The following MYO10 variants were observed in gnomAD, a reference collection of about 807,000 sequenced individuals.
MYO10 encodes myosin X.
A neutral mutation model predicts 257.3 loss-of-function variants in MYO10; 133 were observed. The ratio of observed to expected loss-of-function variants is 0.52; its 90% CI spans 0.45 to 0.60. The LOEUF (loss-of-function observed/expected upper bound fraction) is 0.60, where lower values mean the gene tolerates loss of function less well. MYO10 is among the 20% of genes least tolerant of loss of function. The probability of loss-of-function intolerance (pLI) is 0.00; values close to 1 mark genes in which losing one functional copy is unlikely to be tolerated. For missense variants in MYO10, 2,399 were observed against 2,635.7 expected (o/e 0.91, Z 1.97); for synonymous variants, 1,104 against 1,028.6 (o/e 1.07, Z -1.40).
intron 4 of MYO10, among the ~76,000 whole-genome samples, chr5:16,786,568 TGAC>T (rs1741587603): frequency 1.3e-5 from 2 of 152,192 alleles, no homozygotes; most frequent in Non-Finnish European, 2.9e-5. Context: ...AGTGCCAACA[TGAC>T]ATTCAATAGA....
chr5:16,742,846 C>T (rs943964745), intron 19 of MYO10, among the ~76,000 whole-genome samples: 3 of 151,628 alleles, frequency 2.0e-5, no homozygotes, highest in African/African-American at 4.9e-5. Context: ...AAAGGCCAGG[C>T]GTGATGGCTC....
At chr5:16,746,927 T>C (rs1244435591) in intron 19 of MYO10, among the ~76,000 whole-genome samples, 1 of 152,232 alleles carries the variant, frequency 6.6e-6, no homozygotes, top group Non-Finnish European at 1.5e-5. Context: ...TGTTAAAATC[T>C]AATGTTTAAT....
At chr5:16,746,224 C>T (rs1364011876) in intron 19 of MYO10, among the ~76,000 whole-genome samples, 1 of 152,196 alleles carries the variant, frequency 6.6e-6, no homozygotes, top group African/African-American at 2.4e-5. Context: ...GCGAGTGTCA[C>T]AGTGAGGACA....
chr5:16,877,629 AGAC>A lies in MYO10; in HGVS notation c.97_99del (p.Val33del). Reference sequence around the variant, plus strand: ...CTCACCTGACCATAGTCTGTCCGGAAGACGACGATGCCTTCTGCACAGGAATTT... The same window carrying A: ...CTCACCTGACCATAGTCTGTCCGGAAGACGATGCCTTCTGCACAGGAATTT... On this transcript the variant is annotated inframe_deletion, in exon 2 of 41. Coordinates refer to ENST00000513610, the MANE Select transcript of MYO10 (RefSeq NM_012334.3). 6.2e-7 allele frequency: 1 copy of A among 1,613,672 alleles called. No homozygotes were observed. Among genetic ancestry groups the A allele is most frequent in the Non-Finnish European group, 8.5e-7 (1 of 1,179,646 alleles).
At chr5:16,732,731 G>C (rs1281162096) in intron 19 of MYO10, among the ~76,000 whole-genome samples, 1 of 152,206 alleles carries the variant, frequency 6.6e-6, no homozygotes, top group African/African-American at 2.4e-5. Context: ...AGGGAAATAA[G>C]AGGAAAATGC....
At chr5:16,891,320 A>AAAGGAGG (rs1745044331) in intron 1 of MYO10, among the ~76,000 whole-genome samples, 1 of 88,018 alleles carries the variant, frequency 1.1e-5, no homozygotes, top group Non-Finnish European at 2.5e-5. Context: ...GGAGAAGAGA[A>AAAGGAGG]AAGGAAGGAA....
Position 16,780,602 on chromosome 5 carries a change from C to T in MYO10, c.748G>A (p.Val250Ile), listed in dbSNP as rs1460393542. 1 of 1,575,726 alleles carries T rather than the reference C, an allele frequency of 6.3e-7. No individual in the cohort carries two copies. The highest frequency in any genetic ancestry group is 2.3e-5 in the East Asian group (1 of 43,876). Residue 250 changes from valine to isoleucine, a missense_variant, in exon 8 of 41, where the codon GTA becomes ATA. Transcript: ENST00000513610. ...IVDYLLEKNR[V>I]VRQNPGERNY... ...CTTTCCCCGGGATTTTGCCTTACTA[C>T]TCGGTTCTGGGAAGATAAATCAGAT... is the stretch of plus-strand genomic sequence containing the variant.
intron 19 of MYO10, among the ~76,000 whole-genome samples, chr5:16,743,530 C>A (rs1406386519): frequency 1.3e-5 from 2 of 151,982 alleles, no homozygotes; most frequent in African/African-American, 4.8e-5. Context: ...GTAGTCCCAG[C>A]TACTCGGGAG....
chr5:16,760,353 C>T (rs1478540842), intron 17 of MYO10, among the ~76,000 whole-genome samples: 8 of 148,654 alleles, frequency 5.4e-5, no homozygotes, highest in African/African-American at 9.9e-5. Context: ...CCCAGCTACT[C>T]GGGAGGCTGA....
Position 16,672,432 on chromosome 5 carries a change from G to C in MYO10, c.5309+257C>G, listed in dbSNP as rs1314280902. On this transcript the variant is annotated intron_variant, in intron 37 of 40. Transcript: ENST00000513610. ...AACCTAAAAAATCAAGAAATACCCA[G>C]ACGGGTCCAACATGGAACTGAGAAA... 2.6e-5 allele frequency among the ~76,000 whole-genome samples: 4 copies of C among 152,004 alleles called. No homozygotes were observed. The East Asian group carries it at 7.7e-4, about 29-fold the overall frequency.
chr5:16,667,345 T>C (rs1461580380), intron 40 of MYO10, among the ~76,000 whole-genome samples: 1 of 152,172 alleles, frequency 6.6e-6, no homozygotes, highest in Admixed American at 6.6e-5. Flanking sequence ...CCTCCCATGA[T>C]GTCCCCGTCA....
In MYO10 at chr5:16,807,773, T is replaced by C. The variant is rs1057111475; in HGVS notation, c.279+10236A>G. On this transcript the variant is annotated intron_variant, in intron 3 of 40. Coordinates refer to ENST00000513610, the MANE Select transcript of MYO10 (RefSeq NM_012334.3). ...ATATGCTCAAAACTCAGGCCAACTA[T>C]TAATAGCACCTCAGTGAGGAATCAT... is the stretch of plus-strand genomic sequence containing the variant. Among the ~76,000 whole-genome samples, 22 of 152,304 alleles carry C rather than the reference T, an allele frequency of 1.4e-4. No homozygotes were observed. The South Asian group carries it at 4.3e-3, about 30-fold the overall frequency.
intron 2 of MYO10, among the ~76,000 whole-genome samples, chr5:16,839,405 T>G (rs1327111860): frequency 6.6e-6 from 1 of 152,104 alleles, no homozygotes; most frequent in Non-Finnish European, 1.5e-5. Context: ...GAATTAGAAG[T>G]GGAGCCTGAA....
intron 3 of MYO10, among the ~76,000 whole-genome samples, chr5:16,816,113 C>T (rs377212192): frequency 6.6e-6 from 1 of 150,728 alleles, no homozygotes; most frequent in East Asian, 2.0e-4. Flanking sequence ...GAGGCCGAGG[C>T]GGGCGGATCA....
intron 4 of MYO10, among the ~76,000 whole-genome samples, chr5:16,792,789 T>C (rs2126679417): frequency 6.6e-6 from 1 of 152,232 alleles, no homozygotes; most frequent in African/African-American, 2.4e-5. Flanking sequence ...TAGGCTGACA[T>C]ATGGCTCTCC....
At chr5:16,859,179 C>T (rs1426690168) in intron 2 of MYO10, among the ~76,000 whole-genome samples, 1 of 152,200 alleles carries the variant, frequency 6.6e-6, no homozygotes, top group East Asian at 1.9e-4. Flanking sequence ...CTACCACAGA[C>T]TGGATGGCTA....
chr5:16,673,870 C>T lies in MYO10; in HGVS notation c.4984G>A (p.Gly1662Arg), dbSNP rs762113427. 1.2e-6 allele frequency: 2 copies of T among 1,613,856 alleles called. No individual in the cohort carries two copies. The highest frequency in any genetic ancestry group is 2.7e-5 in the African/African-American group (2 of 74,914). The change falls in exon 36 of 41, where the codon GGA becomes AGA. Residue 1662 changes from glycine (G) to arginine (R), a missense_variant. Physicochemically the swap from Gly to Arg is moderately radical, Grantham distance 125. Coordinates refer to ENST00000513610, the MANE Select transcript of MYO10 (RefSeq NM_012334.3). ...HLKRIREQFPGSEMEKYALFT... is the reference protein window; with the variant it reads ...HLKRIREQFPRSEMEKYALFT... ...AGAGCGTATTTTTCCATCTCGCTTC[C>T]TGGAAACTGTTCCCGTATCCTAGGA... is the stretch of plus-strand genomic sequence containing the variant.
At chr5:16,801,610 CTGAAAAG>C (rs1560992149) in intron 3 of MYO10, among the ~76,000 whole-genome samples, 1 of 152,048 alleles carries the variant, frequency 6.6e-6, no homozygotes, top group African/African-American at 2.4e-5. Flanking sequence ...GATTCATATT[CTGAAAAG>C]AAAAAATTCA....
Position 16,775,235 on chromosome 5 carries a change from TG to T in MYO10, c.930+4309del. Among the ~76,000 whole-genome samples, 3 of 152,334 alleles carry T rather than the reference TG, an allele frequency of 2.0e-5. No homozygotes were observed. In the South Asian group the frequency reaches 6.2e-4, roughly 32 times the overall value. ...CCTATGAAATTTAGCATAGGTTCAT[TG>T]CCTCTGCCCCAGGAAAAACCAAGAC... On this transcript the variant is annotated intron_variant, in intron 9 of 40. Transcript: ENST00000513610.
Sources: allele counts gnomAD v4.1 joint callset (sites outside exome capture counted in the v4.1 genomes callset), GRCh38; gene constraint gnomAD v4.1.1; transcripts MANE v1.5; gene names NCBI Gene and HGNC (gene_info 2026-07-23, HGNC 2026-07-21).